The following ABL1 variants were observed in gnomAD, a reference collection of about 807,000 sequenced individuals.
ABL1 encodes ABL proto-oncogene 1, non-receptor tyrosine kinase, also known as tyrosine-protein kinase ABL1.
Under a neutral mutation model 94.7 loss-of-function variants are expected in ABL1, and 11 were observed. The ratio of observed to expected loss-of-function variants is 0.12; its 90% CI spans 0.07 to 0.19. ABL1 has a LOEUF of 0.19. ABL1 is among the 10% of genes least tolerant of loss of function. The probability of loss-of-function intolerance (pLI) is 1.00; values close to 1 mark genes in which losing one functional copy is unlikely to be tolerated. For missense variants in ABL1, 1,082 were observed against 1,489.4 expected, an observed-to-expected ratio of 0.73 and a Z score of 4.50; for synonymous variants, 656 against 622.4, an observed-to-expected ratio of 1.05 and a Z score of -0.80.
intron 1 of ABL1, among the ~76,000 whole-genome samples, chr9:130,853,184 T>TC (rs1432089431): frequency 1.4e-5 from 2 of 139,004 alleles, no homozygotes; most frequent in African/African-American, 5.4e-5. Flanking sequence ...TTTTTTTTTT[T>TC]TTTTTTTTTG....
In ABL1 at chr9:130,781,711, G is replaced by C. The variant is rs1263696159; in HGVS notation, c.136+67256G>C. Among the ~76,000 whole-genome samples the C allele has an allele frequency of 8.5e-5, 13 of 152,152 alleles. No individual in the cohort carries two copies. The East Asian group carries it at 2.1e-3, about 25-fold the overall frequency. ...TATTATCTATTAGTGTGTACTAAAA[G>C]TATATTATTTTGGCTTATTTTGAGA... On this transcript the variant is annotated intron_variant, in intron 1 of 10. Coordinates refer to the ABL1 transcript ENST00000372348.
Position 130,808,326 on chromosome 9 carries a change from C to T in ABL1, c.137-45738C>T, listed in dbSNP as rs567432887. On this transcript the variant is annotated intron_variant, in intron 1 of 10. Coordinates refer to the ABL1 transcript ENST00000372348. ...TGGCACAATCTCGGCTCACTGCAAC[C>T]TCCACCTCCCAGGTTCAAGCAATTC... is the stretch of plus-strand genomic sequence containing the variant. Among the ~76,000 whole-genome samples the T allele has an allele frequency of 9.1e-4, 138 of 151,570 alleles. 1 individual carries two copies. The highest frequency in any genetic ancestry group is 1.8e-3 in the Non-Finnish European group (124 of 67,904).
chr9:130,757,193 A>C (rs1832050998), intron 1 of ABL1, among the ~76,000 whole-genome samples: 1 of 152,262 alleles, frequency 6.6e-6, no homozygotes, highest in African/African-American at 2.4e-5. Flanking sequence ...GCATCAGCCC[A>C]CTCGGGAAGA....
intron 1 of ABL1, among the ~76,000 whole-genome samples, chr9:130,779,268 G>A (rs1489411879): frequency 6.6e-6 from 1 of 152,010 alleles, no homozygotes; most frequent in Admixed American, 6.6e-5. Flanking sequence ...GTTAAGATGA[G>A]TCAAATGGTA....
At chr9:130,807,384 C>T (rs1043103603) in intron 1 of ABL1, among the ~76,000 whole-genome samples, 3 of 151,192 alleles carry the variant, frequency 2.0e-5, no homozygotes, top group Admixed American at 6.6e-5. Context: ...GAGTAGCTGG[C>T]GCATGCCACC....
chr9:130,759,573 A>T (rs187302231), intron 1 of ABL1, among the ~76,000 whole-genome samples: 7 of 152,260 alleles, frequency 4.6e-5, no homozygotes, highest in Admixed American at 4.6e-4. Flanking sequence ...AGAAATGCCC[A>T]TTAAAATAAT....
At chr9:130,730,634 C>T (rs894084610) in intron 1 of ABL1, among the ~76,000 whole-genome samples, 1 of 151,708 alleles carries the variant, frequency 6.6e-6, no homozygotes, top group Non-Finnish European at 1.5e-5. Context: ...TCCAGTGGCA[C>T]AGTCTCGGCT....
intron 4 of ABL1, among the ~76,000 whole-genome samples, chr9:130,867,241 C>T (rs578247811): frequency 6.6e-6 from 1 of 152,186 alleles, no homozygotes; most frequent in Admixed American, 6.5e-5. Context: ...TTGTTTTAAC[C>T]AGGTGACAGC....
rs2132997434 is a variant in ABL1, at chr9:130,872,983, C to T, written c.1031C>T (p.Ala344Val). 1 of 1,614,172 alleles carries T rather than the reference C, an allele frequency of 6.2e-7. No individual in the cohort carries two copies. The highest frequency in any genetic ancestry group is 8.5e-7 in the Non-Finnish European group (1 of 1,180,038). The change falls in exon 6 of 11, where the codon GCC becomes GTC. Residue 344 changes from alanine (A) to valine (V), a missense_variant. Ala to Val is a moderately conservative substitution (Grantham distance 64, BLOSUM62 0). Around this residue, in one of 7 missense-constraint regions of ABL1, gnomAD observed 92 missense variants for 212.3 expected, o/e 0.43. Coordinates refer to ENST00000318560, the MANE Select transcript of ABL1 (RefSeq NM_005157.6). The surrounding 1 kb of genome is among the most constrained non-coding windows in gnomAD (Gnocchi z 5.0). The stretch of plus-strand genomic sequence containing the variant: ...AACGCCGTGGTGCTGCTGTACATGG[C>T]CACTCAGATCTCGTCAGCCATGGAG... ...EVNAVVLLYM[A>V]TQISSAMEYL...
Position 130,887,644 on chromosome 9 carries a change from A to G in ABL1, c.*1961A>G, listed in dbSNP as rs1206008267. 1 of 225,536 alleles carries G rather than the reference A, an allele frequency of 4.4e-6. No individual in the cohort carries two copies. Among genetic ancestry groups the G allele is most frequent in the African/African-American group, 2.2e-5 (1 of 44,656 alleles). 14.0% of individuals were successfully genotyped at this position (225,536 alleles called of 1,614,324 possible). A position where few individuals can be genotyped will look rare whatever the true frequency, so the allele number is the denominator to read the frequency against. ...TGAATCCAAATCTGTCCTCTGTAGT[A>G]TTTTTTAAATAAATCAGTGTTTACA... is the stretch of plus-strand genomic sequence containing the variant. On this transcript the variant is annotated 3_prime_UTR_variant, in exon 11 of 11. Coordinates refer to ENST00000318560, the MANE Select transcript of ABL1 (RefSeq NM_005157.6).
chr9:130,873,445 G>A (rs1204112748), intron 6 of ABL1, among the ~76,000 whole-genome samples: 4 of 152,228 alleles, frequency 2.6e-5, no homozygotes, highest in Non-Finnish European at 4.4e-5. Flanking sequence ...GGAGCCGCTG[G>A]CATTGCTTTT....
chr9:130,868,643 C>A (rs1831200189), intron 4 of ABL1, among the ~76,000 whole-genome samples: 1 of 150,294 alleles, frequency 6.7e-6, no homozygotes, highest in African/African-American at 2.4e-5. Flanking sequence ...GCCTCAGCCT[C>A]CTGAGTAGCT....
At chr9:130,827,964 T>TAAA (rs61348238) in intron 1 of ABL1, among the ~76,000 whole-genome samples, 1 of 146,202 alleles carries the variant, frequency 6.8e-6, no homozygotes, top group African/African-American at 2.5e-5. Context: ...AAATACTGCT[T>TAAA]AAAAAAAAAA....
chr9:130,744,642 G>T (rs2855164), intron 1 of ABL1, among the ~76,000 whole-genome samples: 28,109 of 149,870 alleles, frequency 0.19, 3,339 homozygotes, highest in Middle Eastern at 0.38. Context: ...CACGAGGTCA[G>T]GAGATCGAGA....
Position 130,878,485 on chromosome 9 carries a change from G to A in ABL1, c.1341G>A (p.Gln447=), listed in dbSNP as rs1831389781. ...CTTACCCGGGAATTGACCTGTCCCA[G>A]GTGTATGAGCTGCTAGAGAAGGACT... is the stretch of plus-strand genomic sequence containing the variant. ...MSPYPGIDLS[Q]VYELLEKDYR... is the part of the protein sequence containing the mutation. The change falls in exon 8 of 11, where the codon CAG becomes CAA. Residue 447 remains glutamine, a synonymous_variant. Coordinates refer to ENST00000318560, the MANE Select transcript of ABL1 (RefSeq NM_005157.6). 1 of 1,614,106 alleles carries A rather than the reference G, an allele frequency of 6.2e-7. No individual in the cohort carries two copies. The highest frequency in any genetic ancestry group is 2.2e-5 in the East Asian group (1 of 44,902).
At chr9:130,746,454 C>T (rs529218232) in intron 1 of ABL1, among the ~76,000 whole-genome samples, 126 of 151,542 alleles carry the variant, frequency 8.3e-4, no homozygotes, top group Non-Finnish European at 1.4e-3. Flanking sequence ...GCTCTCCTGC[C>T]TCCTGGCAAC....
chr9:130,797,712 A>G (rs773480198), intron 1 of ABL1, among the ~76,000 whole-genome samples: 2 of 152,156 alleles, frequency 1.3e-5, no homozygotes, highest in Non-Finnish European at 2.9e-5. Flanking sequence ...AAAATATTTA[A>G]CAGCTTGCTG....
At chr9:130,816,288 T>C (rs1830285076) in intron 1 of ABL1, among the ~76,000 whole-genome samples, 1 of 152,192 alleles carries the variant, frequency 6.6e-6, no homozygotes, top group African/African-American at 2.4e-5. Flanking sequence ...CTTTGCTCAG[T>C]TGTCATCTTC....
intron 1 of ABL1, among the ~76,000 whole-genome samples, chr9:130,769,329 C>CTT (rs372838676): frequency 0.18 from 15,353 of 84,114 alleles, 1,919 homozygotes; most frequent in Non-Finnish European, 0.25. Flanking sequence ...TGGCCCTAGT[C>CTT]TTTTTTTTTT....
Sources: gnomAD v4.1 joint callset for allele counts (sites outside exome capture counted in the v4.1 genomes callset) on GRCh38, gnomAD v4.1.1 for gene constraint, gnomAD v4.1.1 regional missense constraint, Gnocchi (gnomAD v3.1) non-coding constraint, MANE v1.5 for transcripts, NCBI Gene and HGNC (gene_info 2026-07-23, HGNC 2026-07-21) for gene names.